Variants in ASIC2 observed in about 807,000 individuals in gnomAD.
ASIC2 encodes acid sensing ion channel subunit 2.
In ASIC2, 25 loss-of-function variants were observed where a neutral mutation model predicts 57.3. The observed-to-expected ratio is 0.44, with a 90% CI of 0.32 to 0.61. The LOEUF is 0.61. Ranked by LOEUF, ASIC2 falls within the 20% of genes least tolerant of loss-of-function variation. The pLI, the probability that ASIC2 is intolerant of heterozygous loss-of-function variation, is 0.06. For synonymous variants in ASIC2, 319 were observed against 307.5 expected (o/e 1.04, Z -0.39); for missense variants, 641 against 738.1 (o/e 0.87, Z 1.52).
chr17:33,190,713 A>G (rs1906379908), intron 1 of ASIC2, among the ~76,000 whole-genome samples: 1 of 152,334 alleles, frequency 6.6e-6, no homozygotes, highest in South Asian at 2.1e-4. Context: ...CCAGAAGTTG[A>G]TCTACATGAA....
chr17:33,231,040 C>T (rs1319088104), intron 1 of ASIC2, among the ~76,000 whole-genome samples: 1 of 152,154 alleles, frequency 6.6e-6, no homozygotes, highest in Non-Finnish European at 1.5e-5. Context: ...TAATAAGCTG[C>T]CCAGCTTTGG....
chr17:33,212,829 C>G (rs562771770), intron 1 of ASIC2, among the ~76,000 whole-genome samples: 2 of 152,306 alleles, frequency 1.3e-5, no homozygotes, highest in East Asian at 3.9e-4. Context: ...GACAAGCATT[C>G]CTTTGCCCCC....
At chr17:33,658,325 G>C (rs1210373095) in intron 1 of ASIC2, among the ~76,000 whole-genome samples, 2 of 152,198 alleles carry the variant, frequency 1.3e-5, no homozygotes, top group Non-Finnish European at 2.9e-5. Context: ...TTGGCCAATG[G>C]GGAAAGTTTG....
intron 1 of ASIC2, among the ~76,000 whole-genome samples, chr17:33,859,260 C>G (rs1914042691): frequency 6.6e-6 from 1 of 152,148 alleles, no homozygotes; most frequent in Admixed American, 6.5e-5. Context: ...AGGGATTCTC[C>G]AGGCTAGAAG....
chr17:33,915,581 C>T (rs949395896), intron 1 of ASIC2, among the ~76,000 whole-genome samples: 2 of 152,196 alleles, frequency 1.3e-5, no homozygotes, highest in Non-Finnish European at 2.9e-5. Flanking sequence ...CTCAAATGAG[C>T]ATCTATTGGC....
chr17:33,168,652 G>A (rs1049375155), intron 1 of ASIC2, among the ~76,000 whole-genome samples: 1 of 152,136 alleles, frequency 6.6e-6, no homozygotes, highest in Non-Finnish European at 1.5e-5. Context: ...AGAACTTAAG[G>A]GCAATGAATT....
At chr17:34,079,038 C>G (rs1415435378) in intron 1 of ASIC2, 2 of 152,232 alleles carry the variant, frequency 1.3e-5, no homozygotes, top group Non-Finnish European at 2.9e-5. Context: ...CTTGGTGCCC[C>G]TCACCTGGAC....
At chr17:33,889,925 A>G (rs1291645414) in intron 1 of ASIC2, among the ~76,000 whole-genome samples, 3 of 152,164 alleles carry the variant, frequency 2.0e-5, no homozygotes, top group Admixed American at 6.5e-5. Context: ...CAGATGAAGA[A>G]GCGTTATGTT....
At chr17:33,110,013 T>G (rs1391422986) in intron 2 of ASIC2, among the ~76,000 whole-genome samples, 2 of 152,010 alleles carry the variant, frequency 1.3e-5, no homozygotes, top group Non-Finnish European at 2.9e-5. Context: ...AGGATGTCTG[T>G]GATGGGGGTC....
chr17:33,805,936 A>C (rs1161454241), intron 1 of ASIC2, among the ~76,000 whole-genome samples: 1 of 152,208 alleles, frequency 6.6e-6, no homozygotes. Context: ...ATCCATATAC[A>C]CACACTTGCA....
rs187484291 is a variant in ASIC2, at chr17:34,137,756, C to T, written c.555+18222G>A. Among the ~76,000 whole-genome samples the T allele has an allele frequency of 1.2e-3, 186 of 152,172 alleles. 1 individual carries two copies. The highest frequency in any genetic ancestry group is 4.2e-3 in the African/African-American group (176 of 41,508). On this transcript the variant is annotated intron_variant, in intron 1 of 9. Coordinates refer to the ASIC2 transcript ENST00000359872. ...GCAGATTCAGTGTCTGGTGAAGGCT[C>T]GTTTCCTGATTCATAGATGGTGCCT...
At chr17:33,453,324 T>A (rs1332620044) in intron 1 of ASIC2, among the ~76,000 whole-genome samples, 1 of 151,202 alleles carries the variant, frequency 6.6e-6, no homozygotes, top group Non-Finnish European at 1.5e-5. Flanking sequence ...ACATTCTGAG[T>A]CTATGGTCTT....
At chr17:33,590,674 C>T (rs1448046891) in intron 1 of ASIC2, among the ~76,000 whole-genome samples, 1 of 152,038 alleles carries the variant, frequency 6.6e-6, no homozygotes, top group African/African-American at 2.4e-5. Flanking sequence ...ACACCACACT[C>T]CAATCTCTAC....
chr17:33,237,501 C>T (rs1169517325), intron 1 of ASIC2, among the ~76,000 whole-genome samples: 1 of 152,140 alleles, frequency 6.6e-6, no homozygotes, highest in Non-Finnish European at 1.5e-5. Flanking sequence ...CAGGCATACA[C>T]CACAACACTC....
intron 1 of ASIC2, among the ~76,000 whole-genome samples, chr17:33,665,901 C>G (rs914197030): frequency 2.6e-5 from 4 of 152,142 alleles, no homozygotes; most frequent in Non-Finnish European, 4.4e-5. Flanking sequence ...CAAAACCTTC[C>G]CTAAGTGCCC....
chr17:33,890,597 T>C (rs1914938201), intron 1 of ASIC2, among the ~76,000 whole-genome samples: 1 of 152,188 alleles, frequency 6.6e-6, no homozygotes, highest in Non-Finnish European at 1.5e-5. Context: ...GAGTTGGATC[T>C]GGGCATGCTG....
intron 1 of ASIC2, among the ~76,000 whole-genome samples, chr17:33,120,265 C>T (rs2092296636): frequency 1.3e-5 from 2 of 152,218 alleles, no homozygotes; most frequent in Non-Finnish European, 2.9e-5. Flanking sequence ...TTCTAGTCTC[C>T]TGCTTCCAAG....
intron 1 of ASIC2, among the ~76,000 whole-genome samples, chr17:34,075,121 G>A (rs1220333890): frequency 6.6e-6 from 1 of 152,104 alleles, no homozygotes; most frequent in Non-Finnish European, 1.5e-5. Context: ...AGCTGCTCTG[G>A]GAATGGACCA....
intron 1 of ASIC2, among the ~76,000 whole-genome samples, chr17:34,092,042 C>G (rs1910352103): frequency 6.9e-6 from 1 of 145,210 alleles, no homozygotes; most frequent in Admixed American, 6.7e-5. Context: ...GCTGTGGCAA[C>G]AGTGGGGAAG....
Sources: gnomAD v4.1 joint callset for allele counts (sites outside exome capture counted in the v4.1 genomes callset) on GRCh38, gnomAD v4.1.1 for gene constraint, MANE v1.5 for transcripts, NCBI Gene and HGNC (gene_info 2026-07-23, HGNC 2026-07-21) for gene names.